TRIM15: variants seen among roughly 807,000 people sequenced by gnomAD.
TRIM15 encodes the protein E3 ubiquitin-protein ligase TRIM15.
In TRIM15, 35 loss-of-function variants were observed where a neutral mutation model predicts 35.8. The ratio of observed to expected loss-of-function variants is 0.98; its 90% CI spans 0.75 to 1.30. The LOEUF is 1.30. TRIM15 is among the 50% of genes most tolerant of loss of function. The pLI is 0.00. For missense variants in TRIM15, 590 were observed against 593.5 expected (o/e 0.99, Z 0.06); for synonymous variants, 252 against 249.8 (o/e 1.01, Z -0.08).
intron 5 of TRIM15, 114 bp from the exon 6 acceptor site, chr6:30,170,862 G>A: frequency 7.9e-7 from 1 of 1,263,146 alleles, no homozygotes; most frequent in East Asian, 2.3e-5. Flanking sequence ...GACCACAGCA[G>A]AAGCCGAGTC....
rs1204242710 is a variant in TRIM15 at position 30,163,902 on chromosome 6, T to C, written c.218T>C (p.Val73Ala). ...EEQAETPMAPVPLGPLGETYC... is the reference protein window; with the variant it reads ...EEQAETPMAPAPLGPLGETYC... ...CAGGCAGAGACTCCCATGGCCCCTG[T>C]GCCCCTGGGCCCGCTGGGAGAAACT... Residue 73 changes from valine (V) to alanine (A), a missense_variant, in exon 1 of 7, where the codon GTG becomes GCG. Transcript: ENST00000376694. 6.2e-7 allele frequency: 1 copy of C among 1,612,948 alleles called. No homozygotes were observed. The highest frequency in any genetic ancestry group is 8.5e-7 in the Non-Finnish European group (1 of 1,180,014).
At position 30,164,139 on chromosome 6, in the gene TRIM15, G is replaced by A. The variant is rs1171688520; in HGVS notation, c.381+74G>A. On this transcript the variant is annotated intron_variant, in intron 1 of 6. Transcript: ENST00000376694. ...CTGTTATGAGGGGAGGAAATCGGGCGGGGATCTGGATGAAAGGCTTCCACA... is the reference window on the plus strand; with the variant it reads ...CTGTTATGAGGGGAGGAAATCGGGCAGGGATCTGGATGAAAGGCTTCCACA... 7 of 1,533,876 alleles carry A rather than the reference G, an allele frequency of 4.6e-6. No individual in the cohort carries two copies. The African/African-American group carries it at 5.5e-5, about 12-fold the overall frequency.
At position 30,172,664 on chromosome 6, in the gene TRIM15, C is replaced by A. The variant is rs1005738928; in HGVS notation, c.*315C>A. On this transcript the variant is annotated 3_prime_UTR_variant, in exon 7 of 7. Coordinates refer to ENST00000376694, the MANE Select transcript of TRIM15 (RefSeq NM_033229.3). ...TCGGGGAAAAAAAAGAAAAAGACAT[C>A]TAAAATAAAATGTTTAAACTGTTTC... 4 of 588,540 alleles carry A rather than the reference C, an allele frequency of 6.8e-6. No individual in the cohort carries two copies. In the Admixed American group the frequency reaches 1.1e-4, roughly 16 times the overall value. The allele number at this position is 588,540 out of a possible 1,614,324, so 36.5% of individuals were successfully genotyped here. A position where few individuals can be genotyped will look rare whatever the true frequency, so the allele number is the denominator to read the frequency against.
At chr6:30,168,191 G>C in intron 2 of TRIM15, 109 bp from the exon 3 acceptor site, 1 of 926,210 alleles carries the variant, frequency 1.1e-6, no homozygotes, top group Non-Finnish European at 1.6e-6. Context: ...AATGAGTCTT[G>C]GACCAGTTGC....
intron 6 of TRIM15, among the ~76,000 whole-genome samples, chr6:30,171,374 T>G (rs956729293): frequency 2.0e-5 from 3 of 152,354 alleles, no homozygotes; most frequent in Middle Eastern, 3.4e-3. Flanking sequence ...TTGAGAGCAT[T>G]GTGCTGGGCT....
In TRIM15 at chr6:30,163,750, G is replaced by A. The variant is rs11961941; in HGVS notation, c.66G>A (p.Pro22=). The A allele has an allele frequency of 6.2e-7, 1 of 1,612,898 alleles. No homozygotes were observed. The highest frequency in any genetic ancestry group is 1.3e-5 in the African/African-American group (1 of 75,012). ...CTGCCTGTACCCTCTGTGCGGGGCCGCTGGAGGATGCGGTGACCATTCCCT... is the reference window on the plus strand; with the variant it reads ...CTGCCTGTACCCTCTGTGCGGGGCCACTGGAGGATGCGGTGACCATTCCCT... The part of the protein sequence containing the change: ...ELPACTLCAG[P]LEDAVTIPCG... Residue 22 remains proline, a synonymous_variant, in exon 1 of 7, where the codon CCG becomes CCA. Transcript: ENST00000376694.
intron 1 of TRIM15, among the ~76,000 whole-genome samples, chr6:30,165,616 C>G (rs1298558780): frequency 1.3e-5 from 2 of 152,078 alleles, no homozygotes; most frequent in Non-Finnish European, 2.9e-5. Flanking sequence ...GGGTATATAC[C>G]CAGTAATGGG....
In TRIM15 at chr6:30,163,555, T is replaced by C; in HGVS notation, c.-130T>C. ...TGGCATTCTTGCCTCTCTCTCTCTT[T>C]CTCTCTCTCTGTCTCTTAGCCTTGC... On this transcript the variant is annotated 5_prime_UTR_variant, in exon 1 of 7. Coordinates refer to ENST00000376694, the MANE Select transcript of TRIM15 (RefSeq NM_033229.3). The C allele has an allele frequency of 8.2e-7, 1 of 1,214,112 alleles. No homozygotes were observed. The highest frequency in any genetic ancestry group is 1.1e-6 in the Non-Finnish European group (1 of 898,102). The allele number at this position is 1,214,112 out of a possible 1,614,324, so 75.2% of individuals were successfully genotyped here.
rs960523625 is a variant in TRIM15 at position 30,172,543 on chromosome 6, T to A, written c.*194T>A. ...AGCTCCCTGACGTCCTGAGCCTCCCTGTGACGCTCTGGCCTTCTCTGTACC... is the reference window on the plus strand; with the variant it reads ...AGCTCCCTGACGTCCTGAGCCTCCCAGTGACGCTCTGGCCTTCTCTGTACC... On this transcript the variant is annotated 3_prime_UTR_variant, in exon 7 of 7. Transcript: ENST00000376694. 1.2e-6 allele frequency: 1 copy of A among 847,368 alleles called. No homozygotes were observed. Among genetic ancestry groups the A allele is most frequent in the Non-Finnish European group, 1.9e-6 (1 of 529,460 alleles). 52.5% of individuals were successfully genotyped at this position (847,368 alleles called of 1,614,324 possible). A position where few individuals can be genotyped will look rare whatever the true frequency, so the allele number is the denominator to read the frequency against.
Position 30,172,061 on chromosome 6 carries a change from G to A in TRIM15, c.1110G>A (p.Glu370=). 3.2e-6 allele frequency: 5 copies of A among 1,570,828 alleles called. No homozygotes were observed. Among genetic ancestry groups the A allele is most frequent in the Non-Finnish European group, 4.3e-6 (5 of 1,158,234 alleles). The part of the protein sequence containing the change: ...GGGCTVGVAG[E]GVRRKGEMGL... ...GCTGCACGGTGGGGGTGGCCGGGGAGGGGGTGAGGAGGAAGGGAGAGATGG... is the reference window on the plus strand; with the variant it reads ...GCTGCACGGTGGGGGTGGCCGGGGAAGGGGTGAGGAGGAAGGGAGAGATGG... The change falls in exon 7 of 7, where the codon GAG becomes GAA. Residue 370 remains glutamate (E), a synonymous_variant. Coordinates refer to ENST00000376694, the MANE Select transcript of TRIM15 (RefSeq NM_033229.3).
rs1773362422 is a variant in TRIM15, at chr6:30,163,844, A to G, written c.160A>G (p.Ile54Val). The stretch of plus-strand genomic sequence containing the variant: ...GATGGGGGCCCAATCCTCGGGCAAG[A>G]TCCTGCTCTGCCCGCTCTGCCAAGA... ...SQMGAQSSGK[I>V]LLCPLCQEEE... Residue 54 changes from isoleucine to valine, a missense_variant, in exon 1 of 7, where the codon ATC becomes GTC. Coordinates refer to ENST00000376694, the MANE Select transcript of TRIM15 (RefSeq NM_033229.3). 6.2e-7 allele frequency: 1 copy of G among 1,612,876 alleles called. No homozygotes were observed. Among genetic ancestry groups the G allele is most frequent in the African/African-American group, 1.3e-5 (1 of 74,924 alleles).
intron 1 of TRIM15, among the ~76,000 whole-genome samples, chr6:30,164,946 G>A (rs1773485441): frequency 6.6e-6 from 1 of 152,026 alleles, no homozygotes; most frequent in African/African-American, 2.4e-5. Context: ...CACGTGTCTG[G>A]CCAGACTGAG....
In TRIM15 at chr6:30,172,156, C is replaced by T. The variant is rs751365999; in HGVS notation, c.1205C>T (p.Pro402Leu). The change falls in exon 7 of 7, where the codon CCG becomes CTG. Residue 402 changes from proline (P) to leucine (L), a missense_variant. By Grantham distance (98) the Pro-to-Leu change is moderately conservative. Transcript: ENST00000376694. ...SHQQCWASTSPGTDLPLSEIP... is the reference protein window; with the variant it reads ...SHQQCWASTSLGTDLPLSEIP... The stretch of plus-strand genomic sequence containing the variant: ...CAGCAGTGCTGGGCCAGCACCTCCC[C>T]GGGCACCGACCTGCCGCTGAGCGAG... 1 of 1,593,274 alleles carries T rather than the reference C, an allele frequency of 6.3e-7. No homozygotes were observed. Among genetic ancestry groups the T allele is most frequent in the Non-Finnish European group, 8.5e-7 (1 of 1,170,564 alleles).
rs762089357 is a variant in TRIM15, at chr6:30,163,616, C to A, written c.-69C>A. 8 of 1,519,534 alleles carry A rather than the reference C, an allele frequency of 5.3e-6. No homozygotes were observed. Among genetic ancestry groups the A allele is most frequent in the Non-Finnish European group, 7.1e-6 (8 of 1,133,078 alleles). 94.1% of individuals were successfully genotyped at this position (1,519,534 alleles called of 1,614,324 possible). ...CTCTGCGATTCATGTAAGTGTGACT[C>A]GATTTCAGGGAAAGGGAACTCGCGT... On this transcript the variant is annotated 5_prime_UTR_variant, in exon 1 of 7. Transcript: ENST00000376694.
intron 6 of TRIM15, 48 bp from the exon 7 acceptor site, chr6:30,171,784 A>G (rs1379191203): frequency 2.0e-6 from 3 of 1,466,128 alleles, no homozygotes; most frequent in African/African-American, 2.8e-5. Flanking sequence ...CTCTAGGAAC[A>G]TCTGTGGTTG....
At chr6:30,166,804 T>C (rs1050438502) in intron 1 of TRIM15, among the ~76,000 whole-genome samples, 4 of 152,228 alleles carry the variant, frequency 2.6e-5, no homozygotes, top group African/African-American at 9.6e-5. Context: ...TAGTTCTCCT[T>C]GAAGAGGTCC....
Position 30,167,159 on chromosome 6 carries a change from C to T in TRIM15, c.382-17C>T. ...ATTAATTCAGTCACCTCTATCCACC[C>T]ATTCTTCTCCCCACAGGATCGTCTC... On this transcript the variant is annotated splice_polypyrimidine_tract_variant and intron_variant, in intron 1 of 6. Coordinates refer to ENST00000376694, the MANE Select transcript of TRIM15 (RefSeq NM_033229.3). 1.9e-6 allele frequency: 3 copies of T among 1,600,346 alleles called. No individual in the cohort carries two copies. The highest frequency in any genetic ancestry group is 2.6e-6 in the Non-Finnish European group (3 of 1,168,646).
chr6:30,172,354 G>C lies in TRIM15; in HGVS notation c.*5G>C, dbSNP rs776634571. 14 of 1,590,094 alleles carry C rather than the reference G, an allele frequency of 8.8e-6. No homozygotes were observed. The African/African-American group carries it at 1.9e-4, about 21-fold the overall frequency. On this transcript the variant is annotated 3_prime_UTR_variant, in exon 7 of 7. Transcript: ENST00000376694. The stretch of plus-strand genomic sequence containing the variant: ...TGCCTTACGCTGAAAGGCTGAAGTG[G>C]GGCGCGCGAAGGGCGGCGAAGCGGA...
intron 3 of TRIM15, 46 bp downstream of exon 3, chr6:30,168,576 G>T: frequency 6.6e-7 from 1 of 1,518,348 alleles, no homozygotes. Flanking sequence ...GGGACTCCAC[G>T]GGGAAGGGGG....
Sources: gnomAD v4.1 joint callset for allele counts (sites outside exome capture counted in the v4.1 genomes callset) on GRCh38, gnomAD v4.1.1 for gene constraint, MANE v1.5 for transcripts, NCBI Gene and HGNC (gene_info 2026-07-23, HGNC 2026-07-21) for gene names.